Variants in BSCL2 observed in about 807,000 individuals in gnomAD.
BSCL2 encodes seipin.
A neutral mutation model predicts 57.4 loss-of-function variants in BSCL2; 41 were observed. That is an observed-to-expected ratio of 0.71 (90% CI 0.56 to 0.93). The LOEUF (loss-of-function observed/expected upper bound fraction) is 0.93. Ranked by LOEUF, BSCL2 falls within the 40% of genes least tolerant of loss-of-function variation. BSCL2 has a pLI of 0.00. For missense variants in BSCL2, 539 were observed against 586.7 expected (o/e 0.92, Z 0.84); for synonymous variants, 237 against 227.3 (o/e 1.04, Z -0.38).
In BSCL2 at chr11:62,706,081, C is replaced by T. The variant is rs1276539313; in HGVS notation, c.88-464G>A. Reference sequence around the variant, plus strand: ...CTTCCCGAGTTTCTCCTCTCCGCCTCGAGCAGAGCTCGCTCACCGACACGG... The same window carrying T: ...CTTCCCGAGTTTCTCCTCTCCGCCTTGAGCAGAGCTCGCTCACCGACACGG... On this transcript the variant is annotated intron_variant, in intron 1 of 10. Coordinates refer to ENST00000360796, the MANE Select transcript of BSCL2 (RefSeq NM_001122955.4). 5 of 406,976 alleles carry T rather than the reference C, an allele frequency of 1.2e-5. No individual in the cohort carries two copies. In the South Asian group the frequency reaches 2.4e-4, roughly 20 times the overall value. 25.2% of individuals were successfully genotyped at this position (406,976 alleles called of 1,614,324 possible).
At chr11:62,691,856 C>A (rs1249325045) in intron 6 of BSCL2, among the ~76,000 whole-genome samples, 2 of 152,096 alleles carry the variant, frequency 1.3e-5, no homozygotes, top group East Asian at 3.9e-4. Flanking sequence ...TGAGACCATC[C>A]TGGCTAACAC....
chr11:62,706,161 C>T, intron 1 of BSCL2: 2 of 1,014,180 alleles, frequency 2.0e-6, no homozygotes, highest in South Asian at 3.1e-5. Flanking sequence ...TCCCGCCAGT[C>T]CCCTCCAGCT....
chr11:62,708,969 C>A, upstream of BSCL2: 1 of 658,782 alleles, frequency 1.5e-6, no homozygotes, highest in Non-Finnish European at 2.7e-6. Flanking sequence ...ACCTATCTGT[C>A]GACCCCATTT....
chr11:62,708,824 C>T (rs1394066437), upstream of BSCL2: 3 of 1,592,962 alleles, frequency 1.9e-6, no homozygotes, highest in South Asian at 2.2e-5. Flanking sequence ...TGTCCCTTCT[C>T]ACAACTCCTC....
chr11:62,707,449 C>G, upstream of BSCL2: 1 of 692,780 alleles, frequency 1.4e-6, no homozygotes. Context: ...GCAGCCAGTA[C>G]AGACTCCACT....
chr11:62,695,036 T>C (rs969671073), intron 3 of BSCL2, among the ~76,000 whole-genome samples: 4 of 152,256 alleles, frequency 2.6e-5, no homozygotes, highest in African/African-American at 9.6e-5. Flanking sequence ...CTCTGGCCTA[T>C]GGGCCGGTGA....
intron 2 of BSCL2, 43 bp downstream of exon 2, chr11:62,705,258 A>G (rs767222858): frequency 6.5e-7 from 1 of 1,542,528 alleles, no homozygotes; most frequent in Non-Finnish European, 8.8e-7. Flanking sequence ...GGGCCTTACA[A>G]TTCCCATAGG....
intron 3 of BSCL2, among the ~76,000 whole-genome samples, chr11:62,699,814 G>A (rs1195390151): frequency 6.6e-6 from 1 of 151,534 alleles, no homozygotes; most frequent in Non-Finnish European, 1.5e-5. Context: ...AAGTAGCTGG[G>A]ACTATAGGTT....
chr11:62,708,032 G>C, upstream of BSCL2: 1 of 501,406 alleles, frequency 2.0e-6, no homozygotes, highest in Non-Finnish European at 3.6e-6. Context: ...TGGTTTGAAG[G>C]GCTGAAAAGC....
upstream of BSCL2, chr11:62,708,931 G>C (rs878884574): frequency 1.3e-6 from 1 of 764,540 alleles, no homozygotes; most frequent in African/African-American, 1.7e-5. Flanking sequence ...GACCATGTGA[G>C]GTTATCTGAA....
chr11:62,702,375 T>C, intron 3 of BSCL2, 93 bp downstream of exon 3: 1 of 1,195,268 alleles, frequency 8.4e-7, no homozygotes, highest in Non-Finnish European at 1.2e-6. Context: ...CAGTCTCTTA[T>C]TACTCAATTC....
upstream of BSCL2, chr11:62,709,470 G>C (rs140464426): frequency 2.5e-3 from 1,133 of 454,082 alleles, 6 homozygotes; most frequent in Admixed American, 2.8e-3. Context: ...GGGGGATTTA[G>C]GGGAGGGTGC....
chr11:62,692,052 A>C (rs1161067102), intron 6 of BSCL2, among the ~76,000 whole-genome samples: 1 of 11,832 alleles, frequency 8.5e-5, no homozygotes, highest in African/African-American at 1.6e-4. Context: ...ACCCCCTCTT[A>C]AAAAAAAAAA....
At chr11:62,706,520 C>T (rs2134745753) in intron 1 of BSCL2, 1 of 440,066 alleles carries the variant, frequency 2.3e-6, no homozygotes, top group African/African-American at 2.0e-5. Flanking sequence ...GCCTGCCTCC[C>T]TGCAGGCCCC....
At position 62,707,087 on chromosome 11, in the gene BSCL2, CTG is replaced by C. The variant is rs1184315495; in HGVS notation, c.87+20_87+21del. The C allele has an allele frequency of 2.6e-6, 4 of 1,547,430 alleles. No homozygotes were observed. The African/African-American group carries it at 5.5e-5, about 21-fold the overall frequency. On this transcript the variant is annotated intron_variant, in intron 1 of 10. Coordinates refer to ENST00000360796, the MANE Select transcript of BSCL2 (RefSeq NM_001122955.4). ...CCTATTTCCAGTATATTTCTGCTGACTGTCCCCACAAGGGCCCCTACCTCCTC... is the reference window on the plus strand; with the variant it reads ...CCTATTTCCAGTATATTTCTGCTGACTCCCCACAAGGGCCCCTACCTCCTC...
chr11:62,706,960 T>A, intron 1 of BSCL2, 149 bp downstream of exon 1: 1 of 705,654 alleles, frequency 1.4e-6, no homozygotes, highest in East Asian at 2.7e-5. Flanking sequence ...GCCAGTGTTG[T>A]GTACATCTTT....
At chr11:62,708,285 T>C (rs2083577063), upstream of BSCL2, 2 of 1,590,120 alleles carry the variant, frequency 1.3e-6, no homozygotes, top group Non-Finnish European at 1.7e-6. Flanking sequence ...GAGGTCCCTC[T>C]TTTTTCCAGG....
At chr11:62,695,883 CT>C (rs1474578018) in intron 3 of BSCL2, among the ~76,000 whole-genome samples, 1 of 151,132 alleles carries the variant, frequency 6.6e-6, no homozygotes, top group Non-Finnish European at 1.5e-5. Context: ...CCAGTCAGAA[CT>C]ATCTGTTGGC....
chr11:62,701,908 A>T (rs1338843578), intron 3 of BSCL2, among the ~76,000 whole-genome samples: 2 of 152,044 alleles, frequency 1.3e-5, no homozygotes, highest in Non-Finnish European at 2.9e-5. Context: ...TAAGGAATGT[A>T]TGTCGCTTTT....
Sources: gnomAD v4.1 joint callset for allele counts (sites outside exome capture counted in the v4.1 genomes callset) on GRCh38, gnomAD v4.1.1 for gene constraint, MANE v1.5 for transcripts, NCBI Gene and HGNC (gene_info 2026-07-23, HGNC 2026-07-21) for gene names.